The following RARB variants were observed in gnomAD, a reference collection of about 807,000 sequenced individuals.
RARB encodes HBV-activated protein.
A neutral mutation model predicts 51.9 loss-of-function variants in RARB; 17 were observed. The ratio of observed to expected loss-of-function variants is 0.33; its 90% CI spans 0.22 to 0.49. The LOEUF (loss-of-function observed/expected upper bound fraction) is 0.49. Ranked by LOEUF, RARB falls within the 20% of genes least tolerant of loss-of-function variation. The pLI, the probability that RARB is intolerant of heterozygous loss-of-function variation, is 0.99. For missense variants in RARB, 369 were observed against 550.8 expected (o/e 0.67, Z 3.30); for synonymous variants, 215 against 195.4 (o/e 1.10, Z -0.84).
chr3:25,281,900 C>T (rs1242992745), intron 5 of RARB, among the ~76,000 whole-genome samples: 1 of 152,204 alleles, frequency 6.6e-6, no homozygotes, highest in African/African-American at 2.4e-5. Context: ...TTGGAAATAG[C>T]TGTGCTCATG....
At chr3:25,175,910 G>A (rs1408838954) in intron 5 of RARB, among the ~76,000 whole-genome samples, 1 of 152,164 alleles carries the variant, frequency 6.6e-6, no homozygotes, top group Non-Finnish European at 1.5e-5. Context: ...CATAGTACCA[G>A]TACTCAAAAT....
chr3:25,518,514 A>G (rs946544768), intron 3 of RARB, among the ~76,000 whole-genome samples: 11 of 152,102 alleles, frequency 7.2e-5, no homozygotes, highest in African/African-American at 2.7e-4. Context: ...ATTCAATCTC[A>G]TCTGTTTTCC....
chr3:25,244,838 C>T (rs1407909121), intron 5 of RARB, among the ~76,000 whole-genome samples: 1 of 152,114 alleles, frequency 6.6e-6, no homozygotes, highest in African/African-American at 2.4e-5. Context: ...CTTCTTGGTC[C>T]AGAGCTGAGT....
intron 2 of RARB, among the ~76,000 whole-genome samples, chr3:24,859,287 C>T (rs1302109808): frequency 1.3e-5 from 2 of 152,034 alleles, no homozygotes; most frequent in Admixed American, 1.3e-4. Flanking sequence ...TTTTGCTTTT[C>T]TTTGAGGTTG....
intron 2 of RARB, among the ~76,000 whole-genome samples, chr3:25,007,264 C>T (rs1335704411): frequency 6.6e-6 from 1 of 152,086 alleles, no homozygotes; most frequent in Non-Finnish European, 1.5e-5. Flanking sequence ...AGTCAGTGGA[C>T]ATCATTGAGG....
At chr3:24,874,040 T>C (rs1005558104) in intron 2 of RARB, among the ~76,000 whole-genome samples, 1 of 152,106 alleles carries the variant, frequency 6.6e-6, no homozygotes. Flanking sequence ...TTAGGTATTA[T>C]AAGTAATCTA....
chr3:25,382,958 T>C lies in RARB; in HGVS notation c.179-78235T>C, dbSNP rs372969568. On this transcript the variant is annotated intron_variant, in intron 5 of 11. Coordinates refer to the RARB transcript ENST00000383772. Reference sequence around the variant, plus strand: ...GATCGTGGGTCATAACTTTCCCTCATAGGCAAACTTCCCAGAAATCCTCAT... The same window carrying C: ...GATCGTGGGTCATAACTTTCCCTCACAGGCAAACTTCCCAGAAATCCTCAT... Among the ~76,000 whole-genome samples the C allele has an allele frequency of 4.6e-5, 7 of 152,232 alleles. No homozygotes were observed. The East Asian group carries it at 7.7e-4, about 17-fold the overall frequency.
intron 5 of RARB, among the ~76,000 whole-genome samples, chr3:25,243,993 T>G (rs1410859028): frequency 2.0e-5 from 3 of 152,186 alleles, no homozygotes; most frequent in African/African-American, 4.8e-5. Flanking sequence ...TCAGAACTTG[T>G]TATTAGTCTG....
chr3:25,224,430 T>C (rs1346116608), intron 5 of RARB, among the ~76,000 whole-genome samples: 1 of 152,144 alleles, frequency 6.6e-6, no homozygotes, highest in Non-Finnish European at 1.5e-5. Flanking sequence ...GAACAAATTC[T>C]GTACTGGAAG....
chr3:25,303,000 A>G (rs995218701), intron 5 of RARB, among the ~76,000 whole-genome samples: 27 of 152,202 alleles, frequency 1.8e-4, no homozygotes, highest in African/African-American at 6.0e-4. Flanking sequence ...GGGCTAGACT[A>G]GACAATAATC....
intron 5 of RARB, among the ~76,000 whole-genome samples, chr3:25,302,661 T>A (rs1704068883): frequency 6.6e-6 from 1 of 152,152 alleles, no homozygotes. Context: ...ATAATGAAAA[T>A]GTTTCAAGAT....
At chr3:25,237,425 A>G (rs1306851503) in intron 5 of RARB, among the ~76,000 whole-genome samples, 1 of 151,802 alleles carries the variant, frequency 6.6e-6, no homozygotes, top group Non-Finnish European at 1.5e-5. Flanking sequence ...TAAATGCCAT[A>G]TGTTATTTTC....
At chr3:24,863,758 C>T (rs913318784) in intron 2 of RARB, among the ~76,000 whole-genome samples, 20 of 151,318 alleles carry the variant, frequency 1.3e-4, no homozygotes, top group African/African-American at 4.6e-4. Context: ...TTCCTCCTGT[C>T]ATTAGACTAA....
chr3:25,226,123 T>C (rs1298415481), intron 5 of RARB, among the ~76,000 whole-genome samples: 1 of 152,232 alleles, frequency 6.6e-6, no homozygotes, highest in African/African-American at 2.4e-5. Flanking sequence ...GTGTCCACTT[T>C]TCTAAAAGAT....
rs184774534 is a variant in RARB, at chr3:25,112,524, C to A, written c.-327-19637C>A. ...AGGAGTGGTGGCTCATACCTGTAAT[C>A]CCAGCACTTTGGGAAACTGAGGTGG... On this transcript the variant is annotated intron_variant, in intron 3 of 11. Coordinates refer to the RARB transcript ENST00000383772. Among the ~76,000 whole-genome samples, 271 of 152,144 alleles carry A rather than the reference C, an allele frequency of 1.8e-3. 1 individual carries two copies. Among genetic ancestry groups the A allele is most frequent in the Non-Finnish European group, 3.0e-3 (204 of 68,004 alleles).
At chr3:25,551,012 C>G (rs1575510609) in intron 3 of RARB, among the ~76,000 whole-genome samples, 1 of 152,212 alleles carries the variant, frequency 6.6e-6, no homozygotes, top group South Asian at 2.1e-4. Context: ...TTGGAGAGGA[C>G]ACAAACATTT....
At chr3:25,049,141 G>A (rs969203341) in intron 2 of RARB, among the ~76,000 whole-genome samples, 1 of 152,186 alleles carries the variant, frequency 6.6e-6, no homozygotes, top group African/African-American at 2.4e-5. Context: ...ATTTGGAGAA[G>A]TTTTGTGGAT....
chr3:25,371,848 C>T (rs111332000), intron 5 of RARB, among the ~76,000 whole-genome samples: 18 of 152,106 alleles, frequency 1.2e-4, no homozygotes, highest in African/African-American at 3.9e-4. Flanking sequence ...GTCATAAATG[C>T]GAAAATAAAT....
intron 5 of RARB, among the ~76,000 whole-genome samples, chr3:25,258,378 T>C (rs1449434167): frequency 6.6e-6 from 1 of 152,154 alleles, no homozygotes; most frequent in Non-Finnish European, 1.5e-5. Context: ...GCAATTGATA[T>C]TGTAAAGTAG....
Sources: allele counts gnomAD v4.1 joint callset (sites outside exome capture counted in the v4.1 genomes callset), GRCh38; gene constraint gnomAD v4.1.1; transcripts MANE v1.5; gene names NCBI Gene and HGNC (gene_info 2026-07-23, HGNC 2026-07-21).